Variants in GABRA5 observed in about 807,000 individuals in gnomAD.
The protein encoded by GABRA5 is gamma-aminobutyric acid type A receptor subunit alpha5, also known as gamma-aminobutyric acid receptor subunit alpha-5.
In GABRA5, 18 loss-of-function variants were observed where a neutral mutation model predicts 47.3. The ratio of observed to expected loss-of-function variants is 0.38; its 90% CI spans 0.26 to 0.56. The LOEUF (loss-of-function observed/expected upper bound fraction) is 0.56, where lower values mean the gene tolerates loss of function less well. Among genes scored for constraint, GABRA5 ranks in the 20% least tolerant of loss-of-function variants. The probability of loss-of-function intolerance (pLI) is 0.71; values close to 1 mark genes in which losing one functional copy is unlikely to be tolerated. For synonymous variants in GABRA5, 237 were observed against 229.3 expected (o/e 1.03, Z -0.30); for missense variants, 365 against 599.3 (o/e 0.61, Z 4.08).
At chr15:26,877,180 G>A (rs1015032042) in intron 3 of GABRA5, among the ~76,000 whole-genome samples, 4 of 152,212 alleles carry the variant, frequency 2.6e-5, no homozygotes, top group Admixed American at 6.5e-5. Flanking sequence ...ATAAAACAAT[G>A]TGGTGCCTGT....
chr15:26,929,499 G>A (rs1405776677), intron 7 of GABRA5, among the ~76,000 whole-genome samples: 4 of 152,212 alleles, frequency 2.6e-5, no homozygotes, highest in Non-Finnish European at 5.9e-5. Flanking sequence ...GGATTGGGCC[G>A]CATGACTTTG....
chr15:26,918,257 G>T (rs1396404297), intron 7 of GABRA5, among the ~76,000 whole-genome samples: 1 of 151,786 alleles, frequency 6.6e-6, no homozygotes, highest in African/African-American at 2.4e-5. Context: ...TTCTTCTTTG[G>T]CCCATTGGTT....
At chr15:26,927,019 A>G (rs1000053755) in intron 7 of GABRA5, among the ~76,000 whole-genome samples, 2 of 152,194 alleles carry the variant, frequency 1.3e-5, no homozygotes, top group African/African-American at 2.4e-5. Context: ...CATATTATAT[A>G]TAAGAAGTAA....
intron 3 of GABRA5, among the ~76,000 whole-genome samples, chr15:26,874,556 T>A (rs552015064): frequency 6.6e-6 from 1 of 152,254 alleles, no homozygotes; most frequent in Non-Finnish European, 1.5e-5. Context: ...GGACTATATA[T>A]GGGAAACCAA....
At chr15:26,908,501 CA>C (rs1893499720) in intron 6 of GABRA5, among the ~76,000 whole-genome samples, 1 of 152,206 alleles carries the variant, frequency 6.6e-6, no homozygotes. Flanking sequence ...GCTGTGTCTC[CA>C]AACCCTGCAG....
At chr15:26,910,216 C>T (rs1893547036) in intron 6 of GABRA5, among the ~76,000 whole-genome samples, 1 of 152,096 alleles carries the variant, frequency 6.6e-6, no homozygotes, top group South Asian at 2.1e-4. Flanking sequence ...ATCAGCTGCT[C>T]CTGACCAAGC....
At chr15:26,942,022 C>T (rs1894396140) in intron 9 of GABRA5, among the ~76,000 whole-genome samples, 1 of 152,200 alleles carries the variant, frequency 6.6e-6, no homozygotes, top group South Asian at 2.1e-4. Context: ...ACACCCCCAT[C>T]GCCCACACAG....
chr15:26,881,674 G>T (rs1406577272), intron 4 of GABRA5, among the ~76,000 whole-genome samples: 7 of 152,148 alleles, frequency 4.6e-5, no homozygotes, highest in African/African-American at 1.7e-4. Flanking sequence ...CATTCTTGGA[G>T]GAAAAAATTT....
chr15:26,892,354 C>G (rs917369328), intron 6 of GABRA5, among the ~76,000 whole-genome samples: 1 of 152,104 alleles, frequency 6.6e-6, no homozygotes, highest in Non-Finnish European at 1.5e-5. Flanking sequence ...TCACCCAGCC[C>G]CGGGGAAATG....
intron 7 of GABRA5, among the ~76,000 whole-genome samples, chr15:26,925,812 TAACTTGGCTGAGTGTG>T (rs1364315748): frequency 6.6e-6 from 1 of 152,248 alleles, no homozygotes; most frequent in Non-Finnish European, 1.5e-5. Flanking sequence ...TTAAGCCAGT[TAACTTGGCTGAGTGTG>T]AACTCCCAGT....
At chr15:26,884,148 CACTGCGCT>C (rs976579788) in intron 6 of GABRA5, among the ~76,000 whole-genome samples, 8 of 151,700 alleles carry the variant, frequency 5.3e-5, no homozygotes, top group Non-Finnish European at 4.4e-5. Flanking sequence ...ATGATTGTAC[CACTGCGCT>C]CCAGCCTGGG....
At chr15:26,884,398 T>C (rs1165298187) in intron 6 of GABRA5, among the ~76,000 whole-genome samples, 1 of 152,132 alleles carries the variant, frequency 6.6e-6, no homozygotes. Context: ...AATTGGTCAA[T>C]GAGAAAGGCT....
chr15:26,922,675 T>G (rs936155762), intron 7 of GABRA5, among the ~76,000 whole-genome samples: 2 of 128,002 alleles, frequency 1.6e-5, no homozygotes, highest in African/African-American at 5.5e-5. Flanking sequence ...CATTTTTTAC[T>G]ATTCCATTTT....
chr15:26,891,947 T>C (rs1231003216), intron 6 of GABRA5, among the ~76,000 whole-genome samples: 4 of 152,234 alleles, frequency 2.6e-5, no homozygotes, highest in Non-Finnish European at 5.9e-5. Flanking sequence ...TCTCTGGCCT[T>C]GAGCGCAAAT....
rs145169024 is a variant in GABRA5 at position 26,900,156 on chromosome 15, A to G, written c.498-14647A>G. On this transcript the variant is annotated intron_variant, in intron 6 of 10. Transcript: ENST00000335625. ...ACTTAGTTTCAGTCATATATAAAAA[A>G]CTTTGCTCCAGTAGCTCTGTCCTCC... Among the ~76,000 whole-genome samples the G allele has an allele frequency of 4.6e-5, 7 of 152,250 alleles. No individual in the cohort carries two copies. In the East Asian group the frequency reaches 1.2e-3, roughly 25 times the overall value.
chr15:26,943,135 G>T (rs1392647274), intron 9 of GABRA5, 80 bp from the exon 10 acceptor site: 1 of 903,062 alleles, frequency 1.1e-6, no homozygotes, highest in Non-Finnish European at 1.7e-6. Context: ...CTATCACTTT[G>T]GGCATGTTGT....
chr15:26,927,571 C>T (rs573232282), intron 7 of GABRA5, among the ~76,000 whole-genome samples: 11 of 152,302 alleles, frequency 7.2e-5, no homozygotes, highest in African/African-American at 2.6e-4. Context: ...AAACTGTACA[C>T]ACTTCACCTT....
intron 6 of GABRA5, among the ~76,000 whole-genome samples, chr15:26,906,127 T>TTTTG (rs71285063): frequency 1.9e-4 from 28 of 151,180 alleles, no homozygotes; most frequent in Admixed American, 8.6e-4. Context: ...CCATAGTGGT[T>TTTTG]TTTGTTTGTT....
chr15:26,905,075 A>C (rs1893411959), intron 6 of GABRA5, among the ~76,000 whole-genome samples: 1 of 152,044 alleles, frequency 6.6e-6, no homozygotes, highest in African/African-American at 2.4e-5. Flanking sequence ...GCCCATTCAG[A>C]ATGATGTTGA....
Sources: gnomAD v4.1 joint callset for allele counts (sites outside exome capture counted in the v4.1 genomes callset) on GRCh38, gnomAD v4.1.1 for gene constraint, MANE v1.5 for transcripts, NCBI Gene and HGNC (gene_info 2026-07-23, HGNC 2026-07-21) for gene names.